The following ZMAT4 variants were observed in gnomAD, a reference collection of about 807,000 sequenced individuals.
ZMAT4 encodes the protein zinc finger matrin-type protein 4.
ZMAT4 carries 17 observed loss-of-function variants against 28.7 expected under a neutral mutation model. The observed-to-expected ratio is 0.59, with a 90% CI of 0.41 to 0.89. The LOEUF (loss-of-function observed/expected upper bound fraction) is 0.89. Ranked by LOEUF, ZMAT4 falls within the 40% of genes least tolerant of loss-of-function variation. The probability of loss-of-function intolerance (pLI) is 0.00; values close to 1 mark genes in which losing one functional copy is unlikely to be tolerated. For synonymous variants in ZMAT4, 117 were observed against 109.2 expected, an observed-to-expected ratio of 1.07 and a Z score of -0.44; for missense variants, 240 against 283.8, an observed-to-expected ratio of 0.85 and a Z score of 1.11.
chr8:40,682,029 C>CTAT (rs1809190183), intron 4 of ZMAT4, among the ~76,000 whole-genome samples: 1 of 151,986 alleles, frequency 6.6e-6, no homozygotes, highest in Non-Finnish European at 1.5e-5. Context: ...ACTATAACTA[C>CTAT]TACTATTACT....
At chr8:40,685,023 G>A (rs968559135) in intron 4 of ZMAT4, among the ~76,000 whole-genome samples, 6 of 152,058 alleles carry the variant, frequency 3.9e-5, no homozygotes, top group African/African-American at 1.2e-4. Context: ...AATTGGCTGC[G>A]TTTTGTATTT....
intron 1 of ZMAT4, among the ~76,000 whole-genome samples, chr8:40,887,889 G>A (rs1406687386): frequency 6.6e-6 from 1 of 152,150 alleles, no homozygotes; most frequent in Non-Finnish European, 1.5e-5. Context: ...TCCCCTTGTG[G>A]AGCCAATCTG....
rs1427658656 is a variant in ZMAT4, at chr8:40,804,710, G to A, written c.102+20865C>T. On this transcript the variant is annotated intron_variant, in intron 2 of 6. Coordinates refer to ENST00000297737, the MANE Select transcript of ZMAT4 (RefSeq NM_024645.3). ...TACAAAATTAGCTGGGTGTGGTGGC[G>A]CATACCTATAATCCCAGCTACTTGG... Among the ~76,000 whole-genome samples the A allele has an allele frequency of 6.6e-5, 10 of 151,986 alleles. No individual in the cohort carries two copies. In the South Asian group the frequency reaches 1.0e-3, roughly 16 times the overall value.
chr8:40,859,137 T>C (rs888154422), intron 1 of ZMAT4, among the ~76,000 whole-genome samples: 24 of 152,126 alleles, frequency 1.6e-4, no homozygotes, highest in African/African-American at 5.8e-4. Context: ...TTCAGAAGGA[T>C]TGTGTGTTCC....
intron 2 of ZMAT4, among the ~76,000 whole-genome samples, chr8:40,793,780 A>G (rs529375040): frequency 6.6e-6 from 1 of 152,284 alleles, no homozygotes; most frequent in Non-Finnish European, 1.5e-5. Flanking sequence ...GGGTCCCCTG[A>G]GGTGTGACAT....
chr8:40,585,384 G>C (rs1416930560), intron 5 of ZMAT4, among the ~76,000 whole-genome samples: 1 of 152,032 alleles, frequency 6.6e-6, no homozygotes, highest in African/African-American at 2.4e-5. Flanking sequence ...ATCCTCCAGT[G>C]ATCATGATAA....
chr8:40,661,307 C>T (rs760012659), intron 5 of ZMAT4, among the ~76,000 whole-genome samples: 2 of 152,212 alleles, frequency 1.3e-5, no homozygotes, highest in African/African-American at 4.8e-5. Context: ...ACCATGTTGG[C>T]CAGGCTGGTC....
At chr8:40,803,293 G>T (rs1350828007) in intron 2 of ZMAT4, among the ~76,000 whole-genome samples, 1 of 152,092 alleles carries the variant, frequency 6.6e-6, no homozygotes, top group Non-Finnish European at 1.5e-5. Flanking sequence ...GGCAGCCAAA[G>T]ATTGAGATAA....
At chr8:40,716,120 A>G (rs1043904504) in intron 3 of ZMAT4, among the ~76,000 whole-genome samples, 9 of 152,334 alleles carry the variant, frequency 5.9e-5, no homozygotes, top group Non-Finnish European at 1.2e-4. Context: ...ACTTTAATGG[A>G]GGGCTTTATA....
intron 2 of ZMAT4, among the ~76,000 whole-genome samples, chr8:40,815,591 A>G (rs1445432330): frequency 6.6e-6 from 1 of 152,198 alleles, no homozygotes; most frequent in East Asian, 1.9e-4. Flanking sequence ...CTGTCCTTCC[A>G]TCTCCACGCA....
intron 2 of ZMAT4, among the ~76,000 whole-genome samples, chr8:40,768,379 T>C (rs1454097361): frequency 6.6e-6 from 1 of 152,210 alleles, no homozygotes; most frequent in Admixed American, 6.5e-5. Context: ...TTTCTGGCTA[T>C]ACTGACTGGT....
intron 2 of ZMAT4, among the ~76,000 whole-genome samples, chr8:40,802,201 A>G (rs139877692): frequency 3.3e-5 from 5 of 152,366 alleles, no homozygotes; most frequent in African/African-American, 1.2e-4. Context: ...ACTGCTTTTC[A>G]GCATCGTACT....
At chr8:40,557,718 G>T (rs1350735133) in intron 6 of ZMAT4, among the ~76,000 whole-genome samples, 2 of 152,088 alleles carry the variant, frequency 1.3e-5, no homozygotes, top group Non-Finnish European at 2.9e-5. Context: ...ACATTAGAGT[G>T]CAGTGCCTGC....
chr8:40,582,470 C>G (rs1320081559), intron 5 of ZMAT4, among the ~76,000 whole-genome samples: 2 of 151,814 alleles, frequency 1.3e-5, no homozygotes, highest in Non-Finnish European at 2.9e-5. Context: ...GCCTGGATGA[C>G]AGAGTGAGGC....
intron 3 of ZMAT4, among the ~76,000 whole-genome samples, chr8:40,706,704 T>C (rs558673093): frequency 1.9e-3 from 293 of 152,346 alleles, no homozygotes; most frequent in Admixed American, 3.1e-3. Flanking sequence ...TTTTCAGACA[T>C]AATATGCTCC....
chr8:40,760,454 G>C (rs1812877191), intron 3 of ZMAT4, among the ~76,000 whole-genome samples: 1 of 152,104 alleles, frequency 6.6e-6, no homozygotes, highest in South Asian at 2.1e-4. Flanking sequence ...CATACCCCAG[G>C]CTCTAGCCCT....
intron 1 of ZMAT4, among the ~76,000 whole-genome samples, chr8:40,843,485 T>A (rs1816772624): frequency 6.6e-6 from 1 of 152,230 alleles, no homozygotes; most frequent in Non-Finnish European, 1.5e-5. Flanking sequence ...ATCCTGCTTT[T>A]ACAGGGGACA....
chr8:40,755,254 C>A (rs894479965), intron 3 of ZMAT4, among the ~76,000 whole-genome samples: 1 of 152,056 alleles, frequency 6.6e-6, no homozygotes, highest in African/African-American at 2.4e-5. Context: ...AAGAAAGGCA[C>A]CTTTAGAGTT....
chr8:40,683,514 A>G (rs532973968), intron 4 of ZMAT4, among the ~76,000 whole-genome samples: 1 of 152,326 alleles, frequency 6.6e-6, no homozygotes, highest in South Asian at 2.1e-4. Flanking sequence ...CACAGGGACC[A>G]TTAGCTTAAG....
Sources: gnomAD v4.1 joint callset for allele counts (sites outside exome capture counted in the v4.1 genomes callset) on GRCh38, gnomAD v4.1.1 for gene constraint, MANE v1.5 for transcripts, NCBI Gene and HGNC (gene_info 2026-07-23, HGNC 2026-07-21) for gene names.